The following CTNND2 variants were observed in gnomAD, a reference collection of about 807,000 sequenced individuals.
CTNND2 encodes catenin delta-2.
CTNND2 carries 22 observed loss-of-function variants against 144.4 expected under a neutral mutation model. The observed-to-expected ratio is 0.15, with a 90% CI of 0.11 to 0.22. The LOEUF is 0.22. CTNND2 is among the 10% of genes least tolerant of loss of function. The probability of loss-of-function intolerance (pLI) is 1.00; values close to 1 mark genes in which losing one functional copy is unlikely to be tolerated. For missense variants in CTNND2, 1,353 were observed against 1,618.8 expected (o/e 0.84, Z 2.82); for synonymous variants, 751 against 695.6 (o/e 1.08, Z -1.25).
chr5:11,385,095 G>A lies in CTNND2; in HGVS notation c.747C>T (p.Ala249=). The change falls in exon 7 of 22, where the codon GCC becomes GCT. Residue 249 remains alanine, a synonymous_variant. Transcript: ENST00000304623. ...TGGAGCTGGAGTAGTAGAGCGCGGC[G>A]GCGGCGGCGGCGGGCGGCGCGTCGG... ...HLPDAPPAAA[A]AALYYSSSTL... 9.6e-7 allele frequency: 1 copy of A among 1,037,414 alleles called. No individual in the cohort carries two copies. The allele number at this position is 1,037,414 out of a possible 1,614,324, so 64.3% of individuals were successfully genotyped here. A position where few individuals can be genotyped will look rare whatever the true frequency, so the allele number is the denominator to read the frequency against.
chr5:11,685,220 A>G (rs1283660054), intron 2 of CTNND2, among the ~76,000 whole-genome samples: 3 of 152,210 alleles, frequency 2.0e-5, no homozygotes, highest in African/African-American at 7.2e-5. Flanking sequence ...GGGGCAGCAG[A>G]TGAAGTGTAT....
intron 11 of CTNND2, among the ~76,000 whole-genome samples, chr5:11,160,861 C>T (rs987555598): frequency 3.3e-5 from 5 of 152,144 alleles, no homozygotes; most frequent in African/African-American, 1.2e-4. Flanking sequence ...TGGTTCCTTG[C>T]GTTGCACATG....
At chr5:11,001,034 G>C (rs1425367942) in intron 18 of CTNND2, among the ~76,000 whole-genome samples, 1 of 152,148 alleles carries the variant, frequency 6.6e-6, no homozygotes, top group African/African-American at 2.4e-5. Context: ...CATTCCCAAG[G>C]TTGACTTCTA....
chr5:10,973,521 C>T lies in CTNND2; in HGVS notation c.3610G>A (p.Ala1204Thr), dbSNP rs1736050990. The change falls in exon 22 of 22, where the codon GCC becomes ACC. Residue 1204 changes from alanine to threonine, a missense_variant. Transcript: ENST00000304623. The surrounding 1 kb of genome is among the most constrained non-coding windows in gnomAD (Gnocchi z 5.6). ...TGNYVDFYSA[A>T]RPYSELNYET... ...TAGTTCAGTTCACTGTAGGGACGGG[C>T]AGCTGAGTAGAAGTCAACGTAGTTG... 1 of 1,613,486 alleles carries T rather than the reference C, an allele frequency of 6.2e-7. No individual in the cohort carries two copies. The highest frequency in any genetic ancestry group is 8.5e-7 in the Non-Finnish European group (1 of 1,179,698).
chr5:11,452,050 C>T (rs964483218), intron 3 of CTNND2, among the ~76,000 whole-genome samples: 5 of 152,174 alleles, frequency 3.3e-5, no homozygotes, highest in East Asian at 3.9e-4. Context: ...TAAGGCTAAA[C>T]ATGCTTCAGG....
At chr5:11,332,858 A>G (rs1753312486) in intron 9 of CTNND2, among the ~76,000 whole-genome samples, 3 of 152,188 alleles carry the variant, frequency 2.0e-5, no homozygotes, top group South Asian at 4.1e-4. Flanking sequence ...GTGGTAGTGA[A>G]TAAGTCTCAT....
intron 3 of CTNND2, among the ~76,000 whole-genome samples, chr5:11,528,773 A>T (rs769190599): frequency 3.9e-5 from 6 of 152,222 alleles, no homozygotes; most frequent in Non-Finnish European, 8.8e-5. Flanking sequence ...GGAAGTGAGC[A>T]GCGACCTAGC....
At chr5:11,565,850 A>T (rs1480732131) in intron 2 of CTNND2, among the ~76,000 whole-genome samples, 6 of 152,238 alleles carry the variant, frequency 3.9e-5, no homozygotes, top group African/African-American at 1.4e-4. Flanking sequence ...GTTTTTTTAA[A>T]AATGAAAATA....
At chr5:11,838,642 T>C (rs898743164) in intron 1 of CTNND2, among the ~76,000 whole-genome samples, 1 of 152,228 alleles carries the variant, frequency 6.6e-6, no homozygotes, top group East Asian at 1.9e-4. Flanking sequence ...ACCCAACTTA[T>C]GACTCCTCCC....
intron 18 of CTNND2, among the ~76,000 whole-genome samples, chr5:11,005,104 G>T (rs558383492): frequency 6.6e-6 from 1 of 152,350 alleles, no homozygotes; most frequent in East Asian, 1.9e-4. Flanking sequence ...TTTCTGGAGG[G>T]TGTTATAGTT....
chr5:11,255,401 G>A (rs1399876680), intron 9 of CTNND2, among the ~76,000 whole-genome samples: 2 of 152,156 alleles, frequency 1.3e-5, no homozygotes, highest in Non-Finnish European at 2.9e-5. Flanking sequence ...CTTTCGACAG[G>A]CAAGTGTGTG....
chr5:10,973,821 G>A lies in CTNND2; in HGVS notation c.3418-108C>T. ...TCAAAGAATAGGCTGTGTATATCCA[G>A]GCATTCACCACTGTGGCCCTGCTTC... is the stretch of plus-strand genomic sequence containing the variant. On this transcript the variant is annotated intron_variant, in intron 21 of 21. Transcript: ENST00000304623. This position sits in a 1 kb window ranked among gnomAD's most constrained non-coding sequence, Gnocchi z 5.6. 1 of 1,256,712 alleles carries A rather than the reference G, an allele frequency of 8.0e-7. No homozygotes were observed. The highest frequency in any genetic ancestry group is 1.1e-6 in the Non-Finnish European group (1 of 931,998). The allele number at this position is 1,256,712 out of a possible 1,614,324, so 77.8% of individuals were successfully genotyped here. A position where few individuals can be genotyped will look rare whatever the true frequency, so the allele number is the denominator to read the frequency against.
At chr5:11,684,965 T>C (rs888206724) in intron 2 of CTNND2, among the ~76,000 whole-genome samples, 2 of 152,220 alleles carry the variant, frequency 1.3e-5, no homozygotes, top group Non-Finnish European at 2.9e-5. Flanking sequence ...CCTGATAATA[T>C]AGTAATCATT....
intron 3 of CTNND2, among the ~76,000 whole-genome samples, chr5:11,439,381 A>C (rs1029549034): frequency 6.6e-6 from 1 of 152,188 alleles, no homozygotes; most frequent in Middle Eastern, 3.2e-3. Flanking sequence ...ATTTGGCCAG[A>C]AATTCTGGGA....
At chr5:11,179,725 A>G (rs372021878) in intron 11 of CTNND2, among the ~76,000 whole-genome samples, 81 of 152,222 alleles carry the variant, frequency 5.3e-4, no homozygotes, top group African/African-American at 1.9e-3. Flanking sequence ...GGCTTAAATG[A>G]CTCTCAGAAT....
rs537532680 is a variant in CTNND2 at position 11,885,855 on chromosome 5, G to A, written c.37+17962C>T. Among the ~76,000 whole-genome samples the A allele has an allele frequency of 4.6e-5, 7 of 152,104 alleles. No homozygotes were observed. In the South Asian group the frequency reaches 1.5e-3, roughly 32 times the overall value. Reference sequence around the variant, plus strand: ...TTCTGACCACAATGGAATAAAGCTAGAAATCAATAAAAGAGGAACTTTGAA... The same window carrying A: ...TTCTGACCACAATGGAATAAAGCTAAAAATCAATAAAAGAGGAACTTTGAA... On this transcript the variant is annotated intron_variant, in intron 1 of 21. Transcript: ENST00000304623.
intron 2 of CTNND2, among the ~76,000 whole-genome samples, chr5:11,702,521 CACA>C (rs1340238233): frequency 1.3e-5 from 2 of 152,124 alleles, no homozygotes; most frequent in Non-Finnish European, 2.9e-5. Context: ...TCTCTTTTTC[CACA>C]ACAATTAGTG....
chr5:11,771,715 A>G (rs1789953087), intron 1 of CTNND2, among the ~76,000 whole-genome samples: 1 of 152,168 alleles, frequency 6.6e-6, no homozygotes, highest in South Asian at 2.1e-4. Context: ...ATGCCTTATA[A>G]TTTAGCTACC....
At chr5:11,343,535 A>C (rs944781161) in intron 9 of CTNND2, among the ~76,000 whole-genome samples, 3 of 152,214 alleles carry the variant, frequency 2.0e-5, no homozygotes, top group African/African-American at 7.2e-5. Flanking sequence ...AAAATCATAA[A>C]TATACTCTTT....
Sources: gnomAD v4.1 joint callset for allele counts (sites outside exome capture counted in the v4.1 genomes callset) on GRCh38, gnomAD v4.1.1 for gene constraint, Gnocchi (gnomAD v3.1) non-coding constraint, MANE v1.5 for transcripts, NCBI Gene and HGNC (gene_info 2026-07-23, HGNC 2026-07-21) for gene names.